Variants in SLC14A1 observed in about 807,000 individuals in gnomAD.
SLC14A1 encodes the protein solute carrier family 14 member 1 (Kidd blood group), also known as urea transporter 1.
SLC14A1 carries 36 observed loss-of-function variants against 39.6 expected under a neutral mutation model. That is an observed-to-expected ratio of 0.91 (90% CI 0.70 to 1.20). The LOEUF (loss-of-function observed/expected upper bound fraction) is 1.20, where lower values mean the gene tolerates loss of function less well. SLC14A1 is among the 50% of genes most tolerant of loss of function. SLC14A1 has a pLI of 0.00. For missense variants in SLC14A1, 469 were observed against 478.7 expected (o/e 0.98, Z 0.19); for synonymous variants, 164 against 173.6 (o/e 0.94, Z 0.43).
At position 45,750,117 on chromosome 18, in the gene SLC14A1, G is replaced by T; in HGVS notation, c.*166G>T. ...TTTTGTATTTTCCTTTCAACTCCAG[G>T]AATATCCTTGAGCATATGAGAGTCA... On this transcript the variant is annotated 3_prime_UTR_variant, in exon 10 of 10. Coordinates refer to ENST00000321925, the MANE Select transcript of SLC14A1 (RefSeq NM_015865.7). The T allele has an allele frequency of 6.6e-7, 1 of 1,503,954 alleles. No individual in the cohort carries two copies. Among genetic ancestry groups the T allele is most frequent in the South Asian group, 1.3e-5 (1 of 75,564 alleles). The allele number at this position is 1,503,954 out of a possible 1,614,324, so 93.2% of individuals were successfully genotyped here.
Position 45,727,366 on chromosome 18 carries a change from GCA to G in SLC14A1, c.-22+2354_-22+2355del, listed in dbSNP as rs771367312. On this transcript the variant is annotated intron_variant, in intron 2 of 9. Coordinates refer to ENST00000321925, the MANE Select transcript of SLC14A1 (RefSeq NM_015865.7). Reference sequence around the variant, plus strand: ...GGAACTAAAGCTGGTGACGCAGCGCGCAGAGGCATCGCCCGGCTAAGCTTGGC... The same window carrying G: ...GGAACTAAAGCTGGTGACGCAGCGCGGAGGCATCGCCCGGCTAAGCTTGGC... The G allele has an allele frequency of 3.4e-5, 53 of 1,551,450 alleles. No homozygotes were observed. The South Asian group carries it at 5.9e-4, about 17-fold the overall frequency.
rs2046982754 is a variant in SLC14A1, at chr18:45,730,037, A to G, written c.-21-263A>G. ...AGTGCAAGAAATACACGCTTAGTAA[A>G]TGTTTGTTGGACCAGACACTGCACC... On this transcript the variant is annotated intron_variant, in intron 2 of 9. Transcript: ENST00000321925. The G allele has an allele frequency of 8.3e-6, 3 of 359,802 alleles. No homozygotes were observed. The East Asian group carries it at 1.3e-4, about 15-fold the overall frequency. The allele number at this position is 359,802 out of a possible 1,614,324, so 22.3% of individuals were successfully genotyped here.
chr18:45,750,017 G>C lies in SLC14A1; in HGVS notation c.*66G>C. 1 of 1,613,092 alleles carries C rather than the reference G, an allele frequency of 6.2e-7. No homozygotes were observed. Among genetic ancestry groups the C allele is most frequent in the Non-Finnish European group, 8.5e-7 (1 of 1,180,018 alleles). ...GCCTGACTGCTCCAGCTAACTTCCA[G>C]GGTCTCAGCAAACTGCTGTTTTTCA... is the stretch of plus-strand genomic sequence containing the variant. On this transcript the variant is annotated 3_prime_UTR_variant, in exon 10 of 10. Coordinates refer to ENST00000321925, the MANE Select transcript of SLC14A1 (RefSeq NM_015865.7).
Position 45,751,472 on chromosome 18 carries a change from A to G in SLC14A1, c.*1521A>G, listed in dbSNP as rs2047708240. The stretch of plus-strand genomic sequence containing the variant: ...TTCCGTAAAGTCTCTGTAACCAAAC[A>G]TACTGAAGACAGCAACAGAAGTCAC... On this transcript the variant is annotated 3_prime_UTR_variant, in exon 10 of 10. Transcript: ENST00000321925. 3 of 984,796 alleles carry G rather than the reference A, an allele frequency of 3.0e-6. No individual in the cohort carries two copies. The highest frequency in any genetic ancestry group is 4.7e-5 in the South Asian group (1 of 21,264). 61.0% of individuals were successfully genotyped at this position (984,796 alleles called of 1,614,324 possible).
In SLC14A1 at chr18:45,751,840, T is replaced by C. The variant is rs115788928; in HGVS notation, c.*1889T>C. 1,964 of 982,228 alleles carry C rather than the reference T, an allele frequency of 2.0e-3. 36 individuals are homozygous for C. In the African/African-American group the frequency reaches 0.033, roughly 16 times the overall value. 60.8% of individuals were successfully genotyped at this position (982,228 alleles called of 1,614,324 possible). ...TAAAAAGGAAGTCATGTTCATTTACTTTCCACTTCAGTGTGTATCGTGTAG... is the reference window on the plus strand; with the variant it reads ...TAAAAAGGAAGTCATGTTCATTTACCTTCCACTTCAGTGTGTATCGTGTAG... On this transcript the variant is annotated 3_prime_UTR_variant, in exon 10 of 10. Transcript: ENST00000321925.
At chr18:45,739,424 G>C in intron 7 of SLC14A1, 104 bp from the exon 8 acceptor site, 1 of 1,602,856 alleles carries the variant, frequency 6.2e-7, no homozygotes, top group Non-Finnish European at 8.5e-7. Flanking sequence ...AGGGACCAAT[G>C]GGAGTTCCCG....
intron 8 of SLC14A1, among the ~76,000 whole-genome samples, chr18:45,744,018 CT>C (rs11433934): frequency 4.8e-5 from 7 of 147,176 alleles, no homozygotes; most frequent in Admixed American, 1.3e-4. Flanking sequence ...ACCTTCTGTA[CT>C]TTTTTTTTTT....
At chr18:45,736,986 G>A (rs1327162815) in intron 6 of SLC14A1, among the ~76,000 whole-genome samples, 1 of 152,124 alleles carries the variant, frequency 6.6e-6, no homozygotes, top group Non-Finnish European at 1.5e-5. Flanking sequence ...CTCCAGCCTG[G>A]TTTTAAATCT....
intron 3 of SLC14A1, among the ~76,000 whole-genome samples, 180 bp from the exon 4 acceptor site, chr18:45,730,835 T>G (rs1440518053): frequency 6.6e-6 from 1 of 152,196 alleles, no homozygotes; most frequent in Admixed American, 6.5e-5. Flanking sequence ...ATACAGTAGA[T>G]AGAGGCTTTC....
chr18:45,727,968 G>A (rs1218048763), intron 2 of SLC14A1, among the ~76,000 whole-genome samples: 5 of 152,172 alleles, frequency 3.3e-5, no homozygotes, highest in Non-Finnish European at 2.9e-5. Context: ...GGGTTCAGCT[G>A]TTCAGAATAA....
intron 4 of SLC14A1, 65 bp downstream of exon 4, chr18:45,731,269 G>T: frequency 6.9e-7 from 1 of 1,449,130 alleles, no homozygotes; most frequent in Non-Finnish European, 9.7e-7. Context: ...CAGTTACTGT[G>T]GGCAACAGTG....
chr18:45,734,701 C>T (rs58556761), intron 5 of SLC14A1, among the ~76,000 whole-genome samples: 4,777 of 152,128 alleles, frequency 0.031, 259 homozygotes, highest in African/African-American at 0.11. Flanking sequence ...GATTGCGTCA[C>T]CGCACTCCAG....
intron 8 of SLC14A1, among the ~76,000 whole-genome samples, chr18:45,746,260 C>A (rs1438409233): frequency 1.3e-5 from 2 of 152,198 alleles, no homozygotes; most frequent in Non-Finnish European, 2.9e-5. Flanking sequence ...AGGGCCTTTT[C>A]TTCCCTCAGC....
chr18:45,752,439 G>T lies in SLC14A1; in HGVS notation c.*2488G>T. 5.8e-6 allele frequency: 1 copy of T among 172,580 alleles called. No individual in the cohort carries two copies. The highest frequency in any genetic ancestry group is 1.2e-5 in the Non-Finnish European group (1 of 86,736). 10.7% of individuals were successfully genotyped at this position (172,580 alleles called of 1,614,324 possible). A position where few individuals can be genotyped will look rare whatever the true frequency, so the allele number is the denominator to read the frequency against. ...ACTATTTTCCTAAAATTGAATATTT[G>T]CAGGGAGCACTTATACTTTTTCCTA... On this transcript the variant is annotated 3_prime_UTR_variant, in exon 10 of 10. Transcript: ENST00000321925.
Position 45,727,736 on chromosome 18 carries a change from T to C in SLC14A1, c.-21-2564T>C, listed in dbSNP as rs1015540737. Among the ~76,000 whole-genome samples, 10 of 152,352 alleles carry C rather than the reference T, an allele frequency of 6.6e-5. No individual in the cohort carries two copies. In the East Asian group the frequency reaches 1.9e-3, roughly 29 times the overall value. ...AGTTGAAATTAATGGCCTGCTTCACTGGGGCTAAGATGTTTGAACATTAGC... is the reference window on the plus strand; with the variant it reads ...AGTTGAAATTAATGGCCTGCTTCACCGGGGCTAAGATGTTTGAACATTAGC... On this transcript the variant is annotated intron_variant, in intron 2 of 9. Transcript: ENST00000321925.
intron 6 of SLC14A1, 133 bp downstream of exon 6, chr18:45,736,781 AT>A (rs1599282807): frequency 3.9e-6 from 3 of 770,962 alleles, no homozygotes; most frequent in East Asian, 5.3e-5. Context: ...TCATCTTGCC[AT>A]TTAAAGCATT....
At chr18:45,727,559 G>T in intron 2 of SLC14A1, 2 of 1,026,066 alleles carry the variant, frequency 1.9e-6, no homozygotes, top group Non-Finnish European at 2.7e-6. Context: ...GGTCCAAAAA[G>T]CCCCATGGCG....
chr18:45,734,565 T>C (rs1348764066), intron 5 of SLC14A1, among the ~76,000 whole-genome samples, 163 bp downstream of exon 5: 1 of 152,224 alleles, frequency 6.6e-6, no homozygotes, highest in Non-Finnish European at 1.5e-5. Context: ...GTCCTTAATG[T>C]CATTGAGCTG....
At position 45,749,959 on chromosome 18, in the gene SLC14A1, C is replaced by A; in HGVS notation, c.*8C>A. 6.2e-7 allele frequency: 1 copy of A among 1,614,202 alleles called. No homozygotes were observed. Among genetic ancestry groups the A allele is most frequent in the Non-Finnish European group, 8.5e-7 (1 of 1,180,038 alleles). ...GTGGAAAGCCCTTTGTGAGAACAAGCCCCATTTGCAGCCATGGTCACGAGT... is the reference window on the plus strand; with the variant it reads ...GTGGAAAGCCCTTTGTGAGAACAAGACCCATTTGCAGCCATGGTCACGAGT... On this transcript the variant is annotated 3_prime_UTR_variant, in exon 10 of 10. Transcript: ENST00000321925.
Sources: gnomAD v4.1 joint callset for allele counts (sites outside exome capture counted in the v4.1 genomes callset) on GRCh38, gnomAD v4.1.1 for gene constraint, MANE v1.5 for transcripts, NCBI Gene and HGNC (gene_info 2026-07-23, HGNC 2026-07-21) for gene names.